KCNJ6: variants seen among roughly 807,000 people sequenced by gnomAD.
KCNJ6 encodes the protein G protein-activated inward rectifier potassium channel 2.
A neutral mutation model predicts 34.2 loss-of-function variants in KCNJ6; 9 were observed. The observed-to-expected ratio is 0.26, with a 90% confidence interval of 0.16 to 0.46. The LOEUF (loss-of-function observed/expected upper bound fraction) is 0.46. KCNJ6 is among the 20% of genes least tolerant of loss of function. The pLI, the probability that KCNJ6 is intolerant of heterozygous loss-of-function variation, is 1.00. For synonymous variants in KCNJ6, 196 were observed against 207.1 expected, an observed-to-expected ratio of 0.95 and a Z score of 0.46; for missense variants, 236 against 531.3, an observed-to-expected ratio of 0.44 and a Z score of 5.46.
chr21:37,814,495 G>A (rs59401006), intron 2 of KCNJ6, among the ~76,000 whole-genome samples: 49,158 of 151,886 alleles, frequency 0.32, 9,072 homozygotes, highest in South Asian at 0.41. Flanking sequence ...GTTTATTACA[G>A]CACTGTTCAC....
At chr21:37,683,371 TA>T (rs2123420398) in intron 3 of KCNJ6, among the ~76,000 whole-genome samples, 2 of 152,292 alleles carry the variant, frequency 1.3e-5, no homozygotes, top group African/African-American at 4.8e-5. Context: ...CTTGCTTTTT[TA>T]AAAACAGCAT....
At chr21:37,850,396 A>G (rs142780368) in intron 1 of KCNJ6, among the ~76,000 whole-genome samples, 72 of 151,972 alleles carry the variant, frequency 4.7e-4, no homozygotes, top group African/African-American at 1.6e-3. Context: ...GAGCATTTCC[A>G]CCTGAGCTGC....
chr21:37,749,348 G>A (rs1019583808), intron 2 of KCNJ6, among the ~76,000 whole-genome samples: 1 of 152,188 alleles, frequency 6.6e-6, no homozygotes. Flanking sequence ...TAAAGTACGC[G>A]TGGGCAAGGC....
intron 1 of KCNJ6, among the ~76,000 whole-genome samples, chr21:37,892,286 G>A (rs1304887625): frequency 6.6e-6 from 1 of 152,168 alleles, no homozygotes; most frequent in Non-Finnish European, 1.5e-5. Flanking sequence ...GGGAGCCCTG[G>A]GCACAGCCAT....
chr21:37,811,735 C>T (rs2055323702), intron 2 of KCNJ6, among the ~76,000 whole-genome samples: 1 of 152,014 alleles, frequency 6.6e-6, no homozygotes, highest in Admixed American at 6.5e-5. Flanking sequence ...CTACCAAGCT[C>T]TAGAATTTAA....
intron 2 of KCNJ6, among the ~76,000 whole-genome samples, chr21:37,823,082 C>T (rs1016037459): frequency 1.3e-5 from 2 of 152,082 alleles, no homozygotes; most frequent in African/African-American, 4.8e-5. Flanking sequence ...CTGTGTCACC[C>T]TCCCCTAAAC....
intron 2 of KCNJ6, among the ~76,000 whole-genome samples, chr21:37,733,354 T>C (rs1334386233): frequency 6.6e-6 from 1 of 152,120 alleles, no homozygotes; most frequent in African/African-American, 2.4e-5. Flanking sequence ...TGAAGAGGAG[T>C]CTGCTCTCTG....
chr21:37,654,045 G>C (rs187277857), intron 3 of KCNJ6, among the ~76,000 whole-genome samples: 194 of 151,802 alleles, frequency 1.3e-3, no homozygotes, highest in African/African-American at 4.3e-3. Flanking sequence ...TTTTATAAAG[G>C]CTGCCCTTGG....
At chr21:37,672,503 G>A (rs953181091) in intron 3 of KCNJ6, among the ~76,000 whole-genome samples, 3 of 151,956 alleles carry the variant, frequency 2.0e-5, no homozygotes, top group African/African-American at 7.2e-5. Context: ...GTTTTTGGTT[G>A]TATGAGCTAA....
rs147322787 is a variant in KCNJ6, at chr21:37,636,274, A to G, written c.947-10790T>C. ...GAAACACCCTCACAGACACACCCAT[A>G]AATAATGTCTTATTAGCTACCTGGG... On this transcript the variant is annotated intron_variant, in intron 3 of 3. Coordinates refer to ENST00000609713, the MANE Select transcript of KCNJ6 (RefSeq NM_002240.5). Among the ~76,000 whole-genome samples the G allele has an allele frequency of 3.5e-3, 533 of 152,334 alleles. 4 individuals are homozygous for G. Among genetic ancestry groups the G allele is most frequent in the African/African-American group, 0.011 (476 of 41,576 alleles).
intron 2 of KCNJ6, among the ~76,000 whole-genome samples, chr21:37,804,598 C>T (rs1486947212): frequency 6.6e-6 from 1 of 152,114 alleles, no homozygotes; most frequent in Admixed American, 6.5e-5. Context: ...CTAATAGGCT[C>T]CAGTAGAGGT....
At chr21:37,856,041 T>C (rs1041105699) in intron 1 of KCNJ6, among the ~76,000 whole-genome samples, 8 of 152,130 alleles carry the variant, frequency 5.3e-5, no homozygotes, top group Non-Finnish European at 1.2e-4. Context: ...CCCAAGGCTT[T>C]ATCCTCCCTG....
intron 1 of KCNJ6, among the ~76,000 whole-genome samples, chr21:37,849,631 A>G (rs1369523975): frequency 2.6e-5 from 4 of 152,042 alleles, no homozygotes; most frequent in Non-Finnish European, 5.9e-5. Context: ...CCCATTGCTC[A>G]TCACTTCTAC....
chr21:37,697,969 A>C (rs1448149248), intron 3 of KCNJ6, among the ~76,000 whole-genome samples: 1 of 152,142 alleles, frequency 6.6e-6, no homozygotes, highest in East Asian at 1.9e-4. Flanking sequence ...CGGTGTGAGG[A>C]GTTGGGACAC....
At chr21:37,659,946 A>T (rs928149604) in intron 3 of KCNJ6, among the ~76,000 whole-genome samples, 1 of 152,246 alleles carries the variant, frequency 6.6e-6, no homozygotes, top group Non-Finnish European at 1.5e-5. Context: ...TATATTTCAG[A>T]AATGTAGATG....
chr21:37,709,174 GA>G (rs1346781568), intron 3 of KCNJ6, among the ~76,000 whole-genome samples: 1 of 152,218 alleles, frequency 6.6e-6, no homozygotes, highest in African/African-American at 2.4e-5. Context: ...AATGGTGAGA[GA>G]AAAGAATTGA....
At chr21:37,870,225 A>AC (rs1421654000) in intron 1 of KCNJ6, among the ~76,000 whole-genome samples, 92 of 51,194 alleles carry the variant, frequency 1.8e-3, no homozygotes, top group Non-Finnish European at 3.3e-3. Context: ...CCCCGCCCCC[A>AC]CCCCCCGGCC....
intron 1 of KCNJ6, among the ~76,000 whole-genome samples, chr21:37,902,179 AC>A (rs994304403): frequency 2.0e-5 from 3 of 152,246 alleles, no homozygotes; most frequent in Non-Finnish European, 2.9e-5. Context: ...ATACAGGAAG[AC>A]CAGAAATCAG....
intron 3 of KCNJ6, among the ~76,000 whole-genome samples, chr21:37,632,656 G>T (rs1016933185): frequency 2.0e-5 from 3 of 152,056 alleles, no homozygotes; most frequent in Non-Finnish European, 1.5e-5. Flanking sequence ...AAAAATAAAT[G>T]GCATTGGGAA....
Sources: allele counts gnomAD v4.1 joint callset (sites outside exome capture counted in the v4.1 genomes callset), GRCh38; gene constraint gnomAD v4.1.1; transcripts MANE v1.5; gene names NCBI Gene and HGNC (gene_info 2026-07-23, HGNC 2026-07-21).